Variants in WNK3 observed in about 807,000 individuals in gnomAD.
WNK3 encodes the protein serine/threonine-protein kinase WNK3.
In WNK3, 18 loss-of-function variants were observed where a neutral mutation model predicts 116.7. The ratio of observed to expected loss-of-function variants is 0.15; its 90% confidence interval spans 0.11 to 0.23. WNK3 has a LOEUF of 0.23. Ranked by LOEUF, WNK3 falls within the 10% of genes least tolerant of loss-of-function variation. WNK3 has a pLI of 1.00. For missense variants in WNK3, 993 were observed against 1,323.8 expected (o/e 0.75, Z 3.88); for synonymous variants, 404 against 469.4 (o/e 0.86, Z 1.80).
At chrX:54,229,142 C>G (rs1557148426) in intron 21 of WNK3, among the ~76,000 whole-genome samples, 1 of 111,127 alleles carries the variant, frequency 9.0e-6, no homozygotes, top group Non-Finnish European at 1.9e-5. Flanking sequence ...ATTTCTCTAT[C>G]AATGTGTGAT....
intron 21 of WNK3, among the ~76,000 whole-genome samples, chrX:54,232,135 ATG>A (rs1557149072): frequency 2.2e-5 from 2 of 92,035 alleles, no homozygotes; most frequent in South Asian, 4.9e-4. Context: ...ATATATATAT[ATG>A]TATGTATGTA....
intron 10 of WNK3, among the ~76,000 whole-genome samples, chrX:54,265,960 C>T (rs1414906472): frequency 2.7e-5 from 3 of 110,477 alleles, no homozygotes; most frequent in Non-Finnish European, 3.8e-5. Flanking sequence ...TGCAGCGAGC[C>T]GAGATCGTGC....
chrX:54,248,039 G>A (rs184142191), intron 17 of WNK3, among the ~76,000 whole-genome samples: 4 of 110,330 alleles, frequency 3.6e-5, no homozygotes, highest in East Asian at 5.7e-4. Context: ...TCAAGAGTTC[G>A]AGACCAGCCT....
intron 22 of WNK3, among the ~76,000 whole-genome samples, chrX:54,207,803 T>C (rs1165266129): frequency 9.1e-5 from 10 of 110,365 alleles, no homozygotes; most frequent in African/African-American, 2.6e-4. Context: ...CGTGAGCCAC[T>C]GCACACCTGG....
intron 10 of WNK3, among the ~76,000 whole-genome samples, chrX:54,291,671 A>T (rs1270477809): frequency 1.8e-5 from 2 of 111,682 alleles, no homozygotes; most frequent in African/African-American, 6.5e-5. Flanking sequence ...TATCAAACTA[A>T]ATCTACCCCT....
chrX:54,321,868 GAAATTCGCTTGACCCGGGAGGCAGA>G (rs1296859618), intron 2 of WNK3, among the ~76,000 whole-genome samples: 3 of 108,505 alleles, frequency 2.8e-5, no homozygotes, highest in African/African-American at 1.0e-4. Context: ...GCTGAGGCAG[GAAATTCGCTTGACCCGGGAGGCAGA>G]AAATTCGCTT....
chrX:54,229,781 G>A (rs1052895538), intron 21 of WNK3, among the ~76,000 whole-genome samples: 1 of 110,715 alleles, frequency 9.0e-6, no homozygotes, highest in Non-Finnish European at 1.9e-5. Flanking sequence ...GAGAAAGGAC[G>A]GTCTCTTCCA....
At chrX:54,280,826 G>A (rs1332320298) in intron 10 of WNK3, among the ~76,000 whole-genome samples, 1 of 110,950 alleles carries the variant, frequency 9.0e-6, no homozygotes, top group Non-Finnish European at 1.9e-5. Flanking sequence ...ACTAACCATT[G>A]GGTACTATGC....
At chrX:54,262,939 A>G (rs2068271042) in intron 10 of WNK3, among the ~76,000 whole-genome samples, 1 of 7,751 alleles carries the variant, frequency 1.3e-4, no homozygotes, top group African/African-American at 1.7e-3. Context: ...TCAAAAAAAA[A>G]AAAAAAAAAG....
intron 1 of WNK3, among the ~76,000 whole-genome samples, chrX:54,343,888 T>C (rs1165457472): frequency 4.5e-5 from 5 of 110,717 alleles, no homozygotes; most frequent in Non-Finnish European, 9.4e-5. Context: ...CTCAAACTCC[T>C]GGGCTCAAGA....
intron 1 of WNK3, among the ~76,000 whole-genome samples, chrX:54,346,983 T>C (rs1276301699): frequency 8.9e-6 from 1 of 111,984 alleles, no homozygotes; most frequent in Non-Finnish European, 1.9e-5. Flanking sequence ...CATGTTGGCA[T>C]TGCCAAAGGG....
exon 7 of WNK3, chrX:54,298,317 T>C (rs1557166756): frequency 2.5e-6 from 3 of 1,211,349 alleles, no homozygotes; most frequent in Non-Finnish European, 3.4e-6. Flanking sequence ...TGAGCAATCA[T>C]CTTCTTCTGC....
Position 54,205,719 on chromosome X carries a change from CATTT to C in WNK3, c.4871-3530_4871-3527del, listed in dbSNP as rs2067547311. Among the ~76,000 whole-genome samples the C allele has an allele frequency of 2.7e-5, 3 of 112,116 alleles. No homozygotes were observed. In the South Asian group the frequency reaches 1.1e-3, roughly 42 times the overall value. ...ATCTATGCTTTACATAAAGCAGGAT[CATTT>C]ATTTACTGATTTCATTTAAAAGTTA... On this transcript the variant is annotated intron_variant, in intron 22 of 23. Transcript: ENST00000354646.
Position 54,263,332 on chromosome X carries a change from A to T in WNK3, c.2038-3994T>A, listed in dbSNP as rs140442004. On this transcript the variant is annotated intron_variant, in intron 10 of 23. Coordinates refer to ENST00000354646, the Ensembl canonical transcript of WNK3. ...TCTCTCCCCTGAAGTACTTTTAACA[A>T]CCACTATTTGTTGAGTACCTATTAC... Among the ~76,000 whole-genome samples, 537 of 112,262 alleles carry T rather than the reference A, an allele frequency of 4.8e-3. 2 individuals are homozygous for T. Among genetic ancestry groups the T allele is most frequent in the African/African-American group, 0.016 (505 of 30,962 alleles).
rs782012949 is a variant in WNK3 at position 54,284,316 on chromosome X, G to A, written c.2037+8572C>T. Among the ~76,000 whole-genome samples the A allele has an allele frequency of 1.2e-4, 13 of 111,373 alleles. No individual in the cohort carries two copies. The South Asian group carries it at 1.5e-3, about 13-fold the overall frequency. On this transcript the variant is annotated intron_variant, in intron 10 of 23. Coordinates refer to ENST00000354646, the Ensembl canonical transcript of WNK3. ...AAAGGTACTCAACATCATAGTCATC[G>A]GGGAAATACAGATTAAAACCACGAT...
intron 22 of WNK3, among the ~76,000 whole-genome samples, chrX:54,209,282 G>A (rs147339794): frequency 0.016 from 1,753 of 108,276 alleles, 39 homozygotes; most frequent in African/African-American, 0.057. Flanking sequence ...AATTAGCCAG[G>A]CGTGTTGGTG....
At position 54,222,917 on chromosome X, in the gene WNK3, T is replaced by TA. The variant is rs1398375135; in HGVS notation, c.4870+5796dup. On this transcript the variant is annotated intron_variant, in intron 22 of 23. Coordinates refer to ENST00000354646, the Ensembl canonical transcript of WNK3. Reference sequence around the variant, plus strand: ...AGTATAATAATAATAATAATAATAATATATATATATATATATATATATAAA... The same window carrying TA: ...AGTATAATAATAATAATAATAATAATAATATATATATATATATATATATAAA... Among the ~76,000 whole-genome samples, 167 of 81,146 alleles carry TA rather than the reference T, an allele frequency of 2.1e-3. 1 individual carries two copies. Among genetic ancestry groups the TA allele is most frequent in the African/African-American group, 4.9e-3 (100 of 20,503 alleles). 70.5% of individuals were successfully genotyped at this position (81,146 alleles called of 115,157 possible).
Position 54,310,290 on chromosome X carries a change from T to C in WNK3, c.710+829A>G, listed in dbSNP as rs185426327. ...GCATGCTGCCTCACTCCTATAACCC[T>C]AGCACTTTGGGAGGCTGAGGTGGGC... On this transcript the variant is annotated intron_variant, in intron 3 of 23. Transcript: ENST00000354646. Among the ~76,000 whole-genome samples the C allele has an allele frequency of 2.1e-4, 23 of 110,350 alleles. No homozygotes were observed. The East Asian group carries it at 5.9e-3, about 29-fold the overall frequency.
intron 10 of WNK3, among the ~76,000 whole-genome samples, chrX:54,282,490 T>C (rs1379375675): frequency 2.7e-5 from 3 of 111,643 alleles, no homozygotes; most frequent in Non-Finnish European, 5.6e-5. Flanking sequence ...GAAGACTTCA[T>C]ATTACTAAGA....
Sources: allele counts gnomAD v4.1 joint callset (sites outside exome capture counted in the v4.1 genomes callset), GRCh38; gene constraint gnomAD v4.1.1; transcripts MANE v1.5; gene names NCBI Gene and HGNC (gene_info 2026-07-23, HGNC 2026-07-21).